The following FRMPD2 variants were observed in gnomAD, a reference collection of about 807,000 sequenced individuals.
The protein encoded by FRMPD2 is FERM and PDZ domain-containing protein 2.
FRMPD2 carries 96 observed loss-of-function variants against 140.1 expected under a neutral mutation model. The ratio of observed to expected loss-of-function variants is 0.69; its 90% confidence interval spans 0.58 to 0.81. The LOEUF is 0.81. Among genes scored for constraint, FRMPD2 ranks in the 40% least tolerant of loss-of-function variants. The probability of loss-of-function intolerance (pLI) is 0.00; values close to 1 mark genes in which losing one functional copy is unlikely to be tolerated. For missense variants in FRMPD2, 1,240 were observed against 1,447.4 expected (o/e 0.86, Z 2.32); for synonymous variants, 449 against 547.6 (o/e 0.82, Z 2.52).
chr10:48,235,864 C>T (rs1268196609), intron 9 of FRMPD2, among the ~76,000 whole-genome samples: 3 of 152,086 alleles, frequency 2.0e-5, no homozygotes, highest in East Asian at 1.9e-4. Flanking sequence ...CGTGCTCAGG[C>T]TCTGGGGCAG....
chr10:48,244,947 T>A, intron 3 of FRMPD2, 98 bp from the exon 4 acceptor site: 1 of 931,834 alleles, frequency 1.1e-6, no homozygotes, highest in Non-Finnish European at 1.7e-6. Context: ...GAACAGACAC[T>A]GTTGTCTGGC....
chr10:48,194,848 A>C (rs1423332491), intron 15 of FRMPD2, among the ~76,000 whole-genome samples: 1 of 152,132 alleles, frequency 6.6e-6, no homozygotes, highest in Non-Finnish European at 1.5e-5. Context: ...CTGGGTGGAC[A>C]AACAGTGGAG....
At chr10:48,227,559 G>T (rs1249356357) in intron 10 of FRMPD2, among the ~76,000 whole-genome samples, 3 of 152,154 alleles carry the variant, frequency 2.0e-5, no homozygotes, top group Non-Finnish European at 2.9e-5. Context: ...CTCGAGGGGG[G>T]TACTGCATTT....
chr10:48,196,069 G>A (rs1838942208), intron 15 of FRMPD2, among the ~76,000 whole-genome samples: 1 of 152,186 alleles, frequency 6.6e-6, no homozygotes, highest in African/African-American at 2.4e-5. Flanking sequence ...TATCTTGGTG[G>A]TCTGAGCCAG....
chr10:48,184,066 C>G (rs576920487), intron 20 of FRMPD2, among the ~76,000 whole-genome samples: 1 of 152,098 alleles, frequency 6.6e-6, no homozygotes, highest in African/African-American at 2.4e-5. Context: ...CCCTGTGACA[C>G]GAGTTTGCCT....
chr10:48,202,901 A>G (rs1320211283), intron 14 of FRMPD2, among the ~76,000 whole-genome samples: 1 of 152,108 alleles, frequency 6.6e-6, no homozygotes, highest in Non-Finnish European at 1.5e-5. Context: ...GCTGGGTTCA[A>G]GCAATCCTCG....
chr10:48,221,978 TTGGATGGATGGA>T (rs71026203), intron 12 of FRMPD2, among the ~76,000 whole-genome samples: 21 of 136,396 alleles, frequency 1.5e-4, no homozygotes, highest in Admixed American at 7.2e-4. Context: ...GGATGGATGG[TTGGATGGATGGA>T]TGGATGGATG....
intron 16 of FRMPD2, among the ~76,000 whole-genome samples, chr10:48,189,925 C>A (rs1374747935): frequency 6.6e-6 from 1 of 152,166 alleles, no homozygotes; most frequent in East Asian, 1.9e-4. Context: ...TTCCCACAGC[C>A]ACCCAGTGGG....
intron 20 of FRMPD2, among the ~76,000 whole-genome samples, chr10:48,183,211 G>C (rs1351779394): frequency 6.6e-6 from 1 of 152,190 alleles, no homozygotes; most frequent in African/African-American, 2.4e-5. Context: ...AAGTTCTCCT[G>C]TATACAAGGG....
At chr10:48,257,565 T>A (rs1457553325) in intron 1 of FRMPD2, among the ~76,000 whole-genome samples, 1 of 152,082 alleles carries the variant, frequency 6.6e-6, no homozygotes, top group Non-Finnish European at 1.5e-5. Flanking sequence ...CAGGTGTGAG[T>A]CACCATACCC....
At chr10:48,231,962 T>C (rs1329994966) in intron 10 of FRMPD2, among the ~76,000 whole-genome samples, 153 bp downstream of exon 10, 2 of 152,222 alleles carry the variant, frequency 1.3e-5, no homozygotes, top group Non-Finnish European at 2.9e-5. Context: ...CATGAGTACT[T>C]GAAGCCCTCG....
chr10:48,185,612 G>C lies in FRMPD2; in HGVS notation c.2300C>G (p.Ala767Gly). The C allele has an allele frequency of 1.2e-6, 2 of 1,614,054 alleles. No homozygotes were observed. The highest frequency in any genetic ancestry group is 1.7e-6 in the Non-Finnish European group (2 of 1,179,926). ...ACGTACAATTTCTCGGCCCGGTTCA[G>C]CTATAAAGCTCTTCCTCCTATTATT... ...SKNNRRKSFIAEPGREIVRVT... is the reference protein window; with the variant it reads ...SKNNRRKSFIGEPGREIVRVT... The change falls in exon 18 of 29, where the codon GCT (alanine) becomes GGT (glycine). Residue 767 changes from alanine (A) to glycine (G), a missense_variant. Ala to Gly is a moderately conservative substitution (Grantham distance 60). Around this residue, in one of 6 missense-constraint regions of FRMPD2, gnomAD observed 1,161 missense variants for 1,055.9 expected, o/e 1.10. Coordinates refer to ENST00000374201, the MANE Select transcript of FRMPD2 (RefSeq NM_001018071.4).
chr10:48,228,169 G>A (rs921905988), intron 10 of FRMPD2, among the ~76,000 whole-genome samples: 5 of 152,088 alleles, frequency 3.3e-5, no homozygotes, highest in South Asian at 4.2e-4. Flanking sequence ...TAAAAATAAC[G>A]TAAGATAATG....
chr10:48,225,450 ACT>A (rs1272682101), intron 10 of FRMPD2, among the ~76,000 whole-genome samples: 2 of 152,120 alleles, frequency 1.3e-5, no homozygotes, highest in African/African-American at 4.8e-5. Context: ...CTTGCCTGAC[ACT>A]CTGTCTCCAC....
intron 10 of FRMPD2, 65 bp downstream of exon 10, chr10:48,232,050 G>T: frequency 6.8e-7 from 1 of 1,474,604 alleles, no homozygotes; most frequent in South Asian, 1.1e-5. Flanking sequence ...ACAGAGCTCA[G>T]GTACCCAGAT....
chr10:48,271,444 T>C (rs1035388189), intron 1 of FRMPD2, among the ~76,000 whole-genome samples: 1 of 152,220 alleles, frequency 6.6e-6, no homozygotes, highest in Non-Finnish European at 1.5e-5. Context: ...CTTGAATCTA[T>C]TGAAGAGTGA....
Position 48,274,651 on chromosome 10 carries a change from G to GC in FRMPD2, c.-85dup. 1 of 1,315,032 alleles carries GC rather than the reference G, an allele frequency of 7.6e-7. No individual in the cohort carries two copies. The highest frequency in any genetic ancestry group is 1.1e-6 in the Non-Finnish European group (1 of 915,752). The allele number at this position is 1,315,032 out of a possible 1,614,324, so 81.5% of individuals were successfully genotyped here. On this transcript the variant is annotated 5_prime_UTR_variant, in exon 1 of 29. Coordinates refer to ENST00000374201, the MANE Select transcript of FRMPD2 (RefSeq NM_001018071.4). ...GCAGGGGTCTCTTGCAAGTCTGTCCGCGGAGCTCCCTGCCACCAGCACTGT... is the reference window on the plus strand; with the variant it reads ...GCAGGGGTCTCTTGCAAGTCTGTCCGCCGGAGCTCCCTGCCACCAGCACTGT...
chr10:48,245,444 A>T (rs895204068), intron 3 of FRMPD2, among the ~76,000 whole-genome samples: 1 of 152,254 alleles, frequency 6.6e-6, no homozygotes, highest in Non-Finnish European at 1.5e-5. Context: ...CTTGTCAAGA[A>T]GCAAAATGAT....
At chr10:48,201,517 G>A in intron 14 of FRMPD2, 133 bp from the exon 15 acceptor site, 1 of 646,392 alleles carries the variant, frequency 1.5e-6, no homozygotes. Context: ...GGCAGATGCT[G>A]TCTGACTATG....
Sources: gnomAD v4.1 joint callset for allele counts (sites outside exome capture counted in the v4.1 genomes callset) on GRCh38, gnomAD v4.1.1 for gene constraint, gnomAD v4.1.1 regional missense constraint, MANE v1.5 for transcripts, NCBI Gene and HGNC (gene_info 2026-07-23, HGNC 2026-07-21) for gene names.